The following CLEC16A variants were observed in gnomAD, a reference collection of about 807,000 sequenced individuals.
The protein encoded by CLEC16A is C-type lectin domain containing 16A.
CLEC16A carries 51 observed loss-of-function variants against 109.5 expected under a neutral mutation model. The observed-to-expected ratio is 0.47, with a 90% CI of 0.37 to 0.59. CLEC16A has a LOEUF of 0.59. Ranked by LOEUF, CLEC16A falls within the 20% of genes least tolerant of loss-of-function variation. The pLI is 0.00. For synonymous variants in CLEC16A, 673 were observed against 564.2 expected (o/e 1.19, Z -2.73); for missense variants, 1,339 against 1,394.0 (o/e 0.96, Z 0.63).
At chr16:11,056,235 G>C (rs1341959173) in intron 18 of CLEC16A, among the ~76,000 whole-genome samples, 1 of 152,168 alleles carries the variant, frequency 6.6e-6, no homozygotes, top group Non-Finnish European at 1.5e-5. Context: ...AACTCCAGCT[G>C]CATGAGCTTG....
chr16:11,124,836 C>G (rs947853601), intron 21 of CLEC16A, among the ~76,000 whole-genome samples: 2 of 152,158 alleles, frequency 1.3e-5, no homozygotes, highest in African/African-American at 2.4e-5. Context: ...TCTGTAATCT[C>G]AGCACTTCGG....
intron 23 of CLEC16A, among the ~76,000 whole-genome samples, chr16:11,175,411 T>C (rs369631351): frequency 6.6e-6 from 1 of 152,244 alleles, no homozygotes; most frequent in Non-Finnish European, 1.5e-5. Flanking sequence ...CCTCAACTTG[T>C]GGCCCTAGAG....
At chr16:11,076,641 A>G (rs1207933159) in intron 19 of CLEC16A, among the ~76,000 whole-genome samples, 3 of 152,158 alleles carry the variant, frequency 2.0e-5, no homozygotes, top group Admixed American at 6.5e-5. Context: ...TGGCCCTGAT[A>G]TCTGATCAAC....
chr16:11,010,154 A>T (rs1477111925), intron 11 of CLEC16A, among the ~76,000 whole-genome samples: 1 of 42,856 alleles, frequency 2.3e-5, no homozygotes, highest in Non-Finnish European at 4.4e-5. Context: ...CTTGTTTCTT[A>T]AAAAAAAAGA....
intron 11 of CLEC16A, among the ~76,000 whole-genome samples, chr16:11,016,640 T>C (rs1435812696): frequency 6.6e-6 from 1 of 152,168 alleles, no homozygotes; most frequent in Non-Finnish European, 1.5e-5. Flanking sequence ...CCAGCCCACA[T>C]TCCAGCTCTT....
At chr16:11,047,240 T>G in intron 16 of CLEC16A, 52 bp from the exon 17 acceptor site, 1 of 1,506,492 alleles carries the variant, frequency 6.6e-7, no homozygotes, top group African/African-American at 1.4e-5. Flanking sequence ...CTCTGTTGTT[T>G]ATGGAAAAAA....
chr16:11,160,764 C>T (rs2054695423), intron 22 of CLEC16A, among the ~76,000 whole-genome samples: 1 of 152,208 alleles, frequency 6.6e-6, no homozygotes, highest in Admixed American at 6.5e-5. Context: ...TCAAGAGATA[C>T]ACAAAGACGT....
chr16:11,015,311 G>T (rs144551039), intron 11 of CLEC16A, among the ~76,000 whole-genome samples: 1 of 151,762 alleles, frequency 6.6e-6, no homozygotes, highest in East Asian at 1.9e-4. Context: ...CTGGTTCTGC[G>T]TCAAGATGTG....
chr16:11,111,372 G>A (rs1249249175), intron 19 of CLEC16A, among the ~76,000 whole-genome samples: 1 of 152,116 alleles, frequency 6.6e-6, no homozygotes, highest in Non-Finnish European at 1.5e-5. Flanking sequence ...GTGTCTCCAT[G>A]GCTACTTGGG....
At chr16:10,988,291 A>G (rs561530596) in intron 10 of CLEC16A, among the ~76,000 whole-genome samples, 7 of 151,850 alleles carry the variant, frequency 4.6e-5, no homozygotes, top group African/African-American at 1.7e-4. Context: ...TCATTTATTC[A>G]TCTATTCATC....
At chr16:10,964,264 G>T (rs920514191) in intron 3 of CLEC16A, among the ~76,000 whole-genome samples, 1 of 152,228 alleles carries the variant, frequency 6.6e-6, no homozygotes, top group Non-Finnish European at 1.5e-5. Flanking sequence ...AATGTGGGCC[G>T]ACTCCTGTCT....
At chr16:11,076,945 C>T (rs1479193494) in intron 19 of CLEC16A, among the ~76,000 whole-genome samples, 4 of 152,210 alleles carry the variant, frequency 2.6e-5, no homozygotes, top group Non-Finnish European at 2.9e-5. Flanking sequence ...TCAGATTAGG[C>T]AGAAACGCTG....
chr16:11,114,289 T>G (rs1300573465), intron 19 of CLEC16A, among the ~76,000 whole-genome samples: 1 of 152,146 alleles, frequency 6.6e-6, no homozygotes, highest in Admixed American at 6.5e-5. Context: ...ATAGGGATAA[T>G]TGATCTGATC....
intron 14 of CLEC16A, chr16:11,040,911 G>A (rs889502808): frequency 6.6e-6 from 1 of 152,168 alleles, no homozygotes; most frequent in Non-Finnish European, 1.5e-5. Context: ...GCAGAGGGGT[G>A]TATCTGCCTT....
chr16:11,136,934 G>T (rs920209855), intron 22 of CLEC16A, among the ~76,000 whole-genome samples: 1 of 152,194 alleles, frequency 6.6e-6, no homozygotes, highest in Non-Finnish European at 1.5e-5. Flanking sequence ...CTCACAAGTG[G>T]CCAGCCAGGG....
chr16:11,131,430 C>G (rs759930484), intron 22 of CLEC16A, among the ~76,000 whole-genome samples: 2 of 151,774 alleles, frequency 1.3e-5, no homozygotes, highest in Non-Finnish European at 2.9e-5. Context: ...CCCAGAACAG[C>G]CTTGCTCCTC....
chr16:11,049,056 G>T (rs2047788031), intron 17 of CLEC16A, among the ~76,000 whole-genome samples: 1 of 151,840 alleles, frequency 6.6e-6, no homozygotes, highest in African/African-American at 2.4e-5. Flanking sequence ...GCCCAGGCTG[G>T]AGTGCAAGTA....
intron 3 of CLEC16A, 37 bp from the exon 4 acceptor site, chr16:10,969,124 G>A (rs1184398037): frequency 1.9e-6 from 3 of 1,567,402 alleles, no homozygotes; most frequent in Non-Finnish European, 2.6e-6. Flanking sequence ...CTTTCCTCCA[G>A]CATGAGTTAA....
intron 19 of CLEC16A, among the ~76,000 whole-genome samples, chr16:11,102,542 C>T (rs1159420609): frequency 1.3e-5 from 2 of 152,136 alleles, no homozygotes; most frequent in African/African-American, 4.8e-5. Context: ...TAAATGTGTC[C>T]CCTGGTATGA....
Sources: allele counts gnomAD v4.1 joint callset (sites outside exome capture counted in the v4.1 genomes callset), GRCh38; gene constraint gnomAD v4.1.1; transcripts MANE v1.5; gene names NCBI Gene and HGNC (gene_info 2026-07-23, HGNC 2026-07-21).